POU2AF1: variants seen among roughly 807,000 people sequenced by gnomAD.
POU2AF1 encodes the protein POU domain class 2-associating factor 1.
Under a neutral mutation model 26.3 loss-of-function variants are expected in POU2AF1, and 12 were observed. That is an observed-to-expected ratio of 0.46 (90% CI 0.29 to 0.74). The LOEUF is 0.74. Among genes scored for constraint, POU2AF1 ranks in the 30% least tolerant of loss-of-function variants. The probability of loss-of-function intolerance (pLI) is 0.09; values close to 1 mark genes in which losing one functional copy is unlikely to be tolerated. For synonymous variants in POU2AF1, 175 were observed against 148.0 expected, an observed-to-expected ratio of 1.18 and a Z score of -1.32; for missense variants, 297 against 334.5, an observed-to-expected ratio of 0.89 and a Z score of 0.87.
chr11:111,354,490 TG>T lies in POU2AF1; in HGVS notation c.541del (p.Gln181SerfsTer50). ...GGAGGTGGGTAGTGTGGAAAGGGGC[TG>T]AGGCCACGGGAAATAGGTGAGGGGT... ...QAPLTYFPWP[Q>X]PLSTLPTSTL... On this transcript the variant is annotated frameshift_variant, in exon 5 of 5. Coordinates refer to ENST00000393067, the MANE Select transcript of POU2AF1 (RefSeq NM_006235.3). LOFTEE classifies it high-confidence loss of function. 2 of 1,603,184 alleles carry T rather than the reference TG, an allele frequency of 1.2e-6. No homozygotes were observed. Among genetic ancestry groups the T allele is most frequent in the Non-Finnish European group, 8.5e-7 (1 of 1,175,976 alleles).
intron 1 of POU2AF1, among the ~76,000 whole-genome samples, chr11:111,375,802 T>A (rs888679516): frequency 6.6e-6 from 1 of 152,198 alleles, no homozygotes; most frequent in Non-Finnish European, 1.5e-5. Flanking sequence ...GAGAAAATAT[T>A]TTAGGCTTTG....
intron 1 of POU2AF1, among the ~76,000 whole-genome samples, chr11:111,376,255 T>C (rs929730688): frequency 2.0e-5 from 3 of 152,206 alleles, no homozygotes; most frequent in Non-Finnish European, 4.4e-5. Flanking sequence ...AGGAAATGAA[T>C]GGAAATTTCC....
At chr11:111,372,034 AC>A (rs2135135882) in intron 1 of POU2AF1, among the ~76,000 whole-genome samples, 1 of 88,810 alleles carries the variant, frequency 1.1e-5, no homozygotes, top group Admixed American at 1.1e-4. Context: ...ACAAATACAC[AC>A]ACACACACAC....
At chr11:111,373,229 G>A (rs1020267424) in intron 1 of POU2AF1, among the ~76,000 whole-genome samples, 1 of 152,204 alleles carries the variant, frequency 6.6e-6, no homozygotes, top group Non-Finnish European at 1.5e-5. Flanking sequence ...CCATTCCCCA[G>A]AGATGTTTGT....
chr11:111,366,545 G>A (rs1861108542), intron 1 of POU2AF1, among the ~76,000 whole-genome samples: 1 of 152,176 alleles, frequency 6.6e-6, no homozygotes, highest in Non-Finnish European at 1.5e-5. Context: ...GGGTGGAGAA[G>A]ATAAAGGGAC....
intron 1 of POU2AF1, among the ~76,000 whole-genome samples, chr11:111,366,085 A>G (rs1423307997): frequency 6.6e-6 from 1 of 152,216 alleles, no homozygotes; most frequent in Non-Finnish European, 1.5e-5. Flanking sequence ...CCAAACAGGA[A>G]GAAAGAAGTT....
chr11:111,366,184 G>C (rs1205597760), intron 1 of POU2AF1, among the ~76,000 whole-genome samples: 2 of 152,230 alleles, frequency 1.3e-5, no homozygotes, highest in African/African-American at 4.8e-5. Flanking sequence ...TGTTGTTGGT[G>C]TTTAATGTAG....
At position 111,357,664 on chromosome 11, in the gene POU2AF1, C is replaced by T; in HGVS notation, c.237G>A (p.Glu79=). The change falls in exon 4 of 5, where the codon GAG becomes GAA. Residue 79 remains glutamate (E), a synonymous_variant. Coordinates refer to ENST00000393067, the MANE Select transcript of POU2AF1 (RefSeq NM_006235.3). ...DMEGSVSAVT[E]EAALCAGWLS... ...GCCAGCCGGCACACAGGGCAGCCTC[C>T]TCTGTCACTGCAGACACAGAACCTT... 1 of 1,613,430 alleles carries T rather than the reference C, an allele frequency of 6.2e-7. No individual in the cohort carries two copies. Among genetic ancestry groups the T allele is most frequent in the Non-Finnish European group, 8.5e-7 (1 of 1,179,742 alleles).
At position 111,352,386 on chromosome 11, in the gene POU2AF1, AGTGACGATG is replaced by A. The variant is rs1565356446; in HGVS notation, c.*1866_*1874del. The A allele has an allele frequency of 5.4e-6, 1 of 186,616 alleles. No individual in the cohort carries two copies. The highest frequency in any genetic ancestry group is 1.1e-5 in the Non-Finnish European group (1 of 88,474). The allele number at this position is 186,616 out of a possible 1,614,324, so 11.6% of individuals were successfully genotyped here. A position where few individuals can be genotyped will look rare whatever the true frequency, so the allele number is the denominator to read the frequency against. On this transcript the variant is annotated 3_prime_UTR_variant, in exon 5 of 5. Transcript: ENST00000393067. Reference sequence around the variant, plus strand: ...CTACCAACTGAAATGTCTGCTTAATAGTGACGATGGTGCTATTAGCAGGTGGGTGAGCCA... The same window carrying A: ...CTACCAACTGAAATGTCTGCTTAATAGTGCTATTAGCAGGTGGGTGAGCCA...
At chr11:111,375,460 G>A (rs1276705888) in intron 1 of POU2AF1, among the ~76,000 whole-genome samples, 3 of 135,520 alleles carry the variant, frequency 2.2e-5, no homozygotes, top group Admixed American at 8.0e-5. Context: ...GCAGTGGCAC[G>A]ATCTCGGCTC....
At chr11:111,358,648 TCTCA>T (rs1860935936) in intron 2 of POU2AF1, 136 bp downstream of exon 2, 1 of 1,064,238 alleles carries the variant, frequency 9.4e-7, no homozygotes, top group African/African-American at 1.7e-5. Flanking sequence ...ACTATCACAC[TCTCA>T]CACACTCTAT....
chr11:111,379,264 G>A lies in POU2AF1; in HGVS notation c.-87C>T. ...GACCGGGGTGTGTTTTCCTCCAGTG[G>A]AGCCACCGCTTGAGCTGAGGCTGTT... On this transcript the variant is annotated 5_prime_UTR_variant, in exon 1 of 5. Coordinates refer to ENST00000393067, the MANE Select transcript of POU2AF1 (RefSeq NM_006235.3). 3 of 1,548,546 alleles carry A rather than the reference G, an allele frequency of 1.9e-6. No homozygotes were observed. Among genetic ancestry groups the A allele is most frequent in the Non-Finnish European group, 2.7e-6 (3 of 1,120,414 alleles).
intron 1 of POU2AF1, among the ~76,000 whole-genome samples, chr11:111,374,795 T>A (rs753910488): frequency 2.6e-5 from 4 of 152,226 alleles, no homozygotes; most frequent in Non-Finnish European, 5.9e-5. Context: ...AATAGAAATA[T>A]TAGAGGTTGT....
chr11:111,354,441 G>T lies in POU2AF1; in HGVS notation c.591C>A (p.Ala197=). The T allele has an allele frequency of 6.2e-7, 1 of 1,614,096 alleles. No homozygotes were observed. The highest frequency in any genetic ancestry group is 8.5e-7 in the Non-Finnish European group (1 of 1,179,974). The change falls in exon 5 of 5, where the codon GCC becomes GCA. Residue 197 remains alanine, a synonymous_variant. Transcript: ENST00000393067. The part of the protein sequence containing the change: ...PTSTLQYQPP[A]PALPGPQFVQ... ...CAAACTGGGGCCCAGGTAGGGCTGG[G>T]GCCGGAGGCTGGTACTGCAGGGTGG...
chr11:111,359,029 G>C, intron 1 of POU2AF1, 111 bp from the exon 2 acceptor site: 1 of 1,468,688 alleles, frequency 6.8e-7, no homozygotes, highest in Non-Finnish European at 9.0e-7. Flanking sequence ...GCTTGAACAC[G>C]GAGAACCACG....
chr11:111,375,390 C>CTTTT (rs869115956), intron 1 of POU2AF1, among the ~76,000 whole-genome samples: 16,841 of 79,316 alleles, frequency 0.21, 4,547 homozygotes, highest in Middle Eastern at 0.26. Context: ...TACTGAGTAT[C>CTTTT]TTTTTTTTTT....
chr11:111,364,438 C>G (rs1861067127), intron 1 of POU2AF1: 2 of 150,404 alleles, frequency 1.3e-5, no homozygotes, highest in South Asian at 4.1e-4. Context: ...CACGTTCACA[C>G]CACAGTGCAG....
At chr11:111,379,105 ATCGCCC>A in intron 1 of POU2AF1, 51 bp downstream of exon 1, 1 of 1,605,718 alleles carries the variant, frequency 6.2e-7, no homozygotes, top group Non-Finnish European at 8.5e-7. Flanking sequence ...CCAAGCTGTG[ATCGCCC>A]TGCCCCGCTG....
intron 1 of POU2AF1, among the ~76,000 whole-genome samples, chr11:111,369,767 T>C (rs1436669904): frequency 2.0e-5 from 3 of 152,126 alleles, no homozygotes; most frequent in Non-Finnish European, 4.4e-5. Flanking sequence ...CCCAATTCTA[T>C]AGCAAGGCAG....
Sources: allele counts gnomAD v4.1 joint callset (sites outside exome capture counted in the v4.1 genomes callset), GRCh38; gene constraint gnomAD v4.1.1; transcripts MANE v1.5; gene names NCBI Gene and HGNC (gene_info 2026-07-23, HGNC 2026-07-21).